CMC2: variants seen among roughly 807,000 people sequenced by gnomAD.
CMC2 encodes C-X9-C motif containing 2, also known as COX assembly mitochondrial protein 2 homolog.
Under a neutral mutation model 7.5 loss-of-function variants are expected in CMC2, and 5 were observed. The observed-to-expected ratio is 0.66, with a 90% confidence interval of 0.35 to 1.40. The LOEUF (loss-of-function observed/expected upper bound fraction) is 1.40, where lower values mean the gene tolerates loss of function less well. Among genes scored for constraint, CMC2 ranks in the 40% most tolerant of loss-of-function variants. The pLI is 0.04. For synonymous variants in CMC2, 37 were observed against 31.4 expected (o/e 1.18, Z -0.60); for missense variants, 115 against 92.3 (o/e 1.25, Z -1.01).
intron 2 of CMC2, among the ~76,000 whole-genome samples, chr16:80,995,829 G>C (rs2151643184): frequency 6.6e-6 from 1 of 152,282 alleles, no homozygotes; most frequent in South Asian, 2.1e-4. Flanking sequence ...TTTAGATCTT[G>C]ACTGTGATGG....
intron 3 of CMC2, among the ~76,000 whole-genome samples, chr16:80,979,617 AT>A (rs201345040): frequency 4.3e-5 from 6 of 140,796 alleles, no homozygotes; most frequent in Middle Eastern, 3.5e-3. Context: ...TTTTTATTTT[AT>A]TTTTTTTTAA....
intron 2 of CMC2, chr16:80,988,591 C>T (rs755197835): frequency 4.7e-6 from 3 of 635,168 alleles, no homozygotes; most frequent in South Asian, 1.6e-5. Flanking sequence ...ATATGATGCA[C>T]GTTTCCTAAA....
intron 3 of CMC2, among the ~76,000 whole-genome samples, chr16:80,976,510 G>A (rs1912372334): frequency 6.6e-6 from 1 of 152,190 alleles, no homozygotes; most frequent in Admixed American, 6.5e-5. Flanking sequence ...GGCAAATTCT[G>A]TCCATGTTCT....
chr16:80,983,981 CAAAAAAAAAAAGA>C (rs1038121094), intron 2 of CMC2: 30 of 116,378 alleles, frequency 2.6e-4, no homozygotes, highest in African/African-American at 9.9e-4. Context: ...AACTCCATCT[CAAAAAAAAAAAGA>C]AAAAAAAACC....
chr16:80,966,557 C>G lies in CMC2; in HGVS notation c.*9536G>C, dbSNP rs1911565818. On this transcript the variant is annotated 3_prime_UTR_variant, in exon 4 of 4. Coordinates refer to ENST00000219400, the MANE Select transcript of CMC2 (RefSeq NM_020188.5). ...GTTTCTACTGACACTAACATCATAA[C>G]TTTAAAACGTGATATTTTATAATAC... 7.4e-6 allele frequency: 1 copy of G among 135,756 alleles called. No homozygotes were observed. Among genetic ancestry groups the G allele is most frequent in the South Asian group, 2.1e-4 (1 of 4,720 alleles). The allele number at this position is 135,756 out of a possible 1,614,324, so 8.4% of individuals were successfully genotyped here. A position where few individuals can be genotyped will look rare whatever the true frequency, so the allele number is the denominator to read the frequency against.
chr16:80,994,031 G>A (rs1463381865), intron 2 of CMC2, among the ~76,000 whole-genome samples: 21 of 152,128 alleles, frequency 1.4e-4, no homozygotes, highest in Admixed American at 1.4e-3. Context: ...AGAGAGCCCA[G>A]AAATAGACCC....
At position 80,971,582 on chromosome 16, in the gene CMC2, A is replaced by ATATATATG. The variant is rs1911926499; in HGVS notation, c.*4510_*4511insCATATATA. 3.6e-5 allele frequency: 5 copies of ATATATATG among 137,120 alleles called. No homozygotes were observed. The highest frequency in any genetic ancestry group is 3.2e-4 in the Admixed American group (4 of 12,584). 8.5% of individuals were successfully genotyped at this position (137,120 alleles called of 1,614,324 possible). A position where few individuals can be genotyped will look rare whatever the true frequency, so the allele number is the denominator to read the frequency against. ...ATACATTTTATATATATATATATAT[A>ATATATATG]TATGTATGAAATCATGCATATATAT... On this transcript the variant is annotated 3_prime_UTR_variant, in exon 4 of 4. Transcript: ENST00000219400.
rs772599726 is a variant in CMC2, at chr16:80,997,306, ACT to A, written c.81+6_81+7del. ...TTTGGCTGTACAGTCGTTTTTCTGA[ACT>A]CTTACATTTTTGTGACATTCCTTAA... On this transcript the variant is annotated splice_donor_region_variant and intron_variant, in intron 2 of 3. Coordinates refer to ENST00000219400, the MANE Select transcript of CMC2 (RefSeq NM_020188.5). 6.2e-6 allele frequency: 9 copies of A among 1,446,852 alleles called. No individual in the cohort carries two copies. The highest frequency in any genetic ancestry group is 8.7e-6 in the Non-Finnish European group (9 of 1,028,994). The allele number at this position is 1,446,852 out of a possible 1,614,324, so 89.6% of individuals were successfully genotyped here.
chr16:80,986,073 T>C (rs1416869781), intron 2 of CMC2, among the ~76,000 whole-genome samples: 1 of 152,102 alleles, frequency 6.6e-6, no homozygotes, highest in African/African-American at 2.4e-5. Flanking sequence ...ATGAGCCAGG[T>C]GCGGTGGCTC....
intron 1 of CMC2, among the ~76,000 whole-genome samples, chr16:81,000,663 G>C (rs1342608874): frequency 6.6e-6 from 1 of 152,174 alleles, no homozygotes; most frequent in Non-Finnish European, 1.5e-5. Flanking sequence ...CCTCACATCA[G>C]TGAGAATGGC....
rs1280922612 is a variant in CMC2, at chr16:81,006,821, C to T, written c.-123G>A. ...AGGCCGGCTGCTAGGGAGCAGACAGCTGAACCGCTTGCCAGACGCCGAAAC... is the reference window on the plus strand; with the variant it reads ...AGGCCGGCTGCTAGGGAGCAGACAGTTGAACCGCTTGCCAGACGCCGAAAC... On this transcript the variant is annotated 5_prime_UTR_variant, in exon 1 of 4. Transcript: ENST00000219400. 6.1e-6 allele frequency: 6 copies of T among 985,496 alleles called. No individual in the cohort carries two copies. In the South Asian group the frequency reaches 2.3e-4, roughly 39 times the overall value. The allele number at this position is 985,496 out of a possible 1,614,324, so 61.0% of individuals were successfully genotyped here.
rs890804421 is a variant in CMC2, at chr16:80,969,718, T to G, written c.*6375A>C. ...GCCTGGGCAACATGGTGAAACCCCG[T>G]CTCTACTAAAAGGACAAAAAAATTA... On this transcript the variant is annotated 3_prime_UTR_variant, in exon 4 of 4. Coordinates refer to ENST00000219400, the MANE Select transcript of CMC2 (RefSeq NM_020188.5). 4 of 152,162 alleles carry G rather than the reference T, an allele frequency of 2.6e-5. No individual in the cohort carries two copies. The highest frequency in any genetic ancestry group is 9.7e-5 in the African/African-American group (4 of 41,384). 9.4% of individuals were successfully genotyped at this position (152,162 alleles called of 1,614,324 possible).
At chr16:80,990,645 A>G (rs1311112955) in intron 2 of CMC2, among the ~76,000 whole-genome samples, 1 of 152,188 alleles carries the variant, frequency 6.6e-6, no homozygotes, top group African/African-American at 2.4e-5. Flanking sequence ...CTAGGATACT[A>G]TAAATACTGT....
intron 1 of CMC2, chr16:80,998,878 C>A (rs559923726): frequency 2.0e-5 from 3 of 152,220 alleles, no homozygotes; most frequent in African/African-American, 7.2e-5. Context: ...GCGAAAAAGC[C>A]TTTGATAAAA....
Position 80,968,932 on chromosome 16 carries a change from T to C in CMC2, c.*7161A>G, listed in dbSNP as rs1396441845. On this transcript the variant is annotated 3_prime_UTR_variant, in exon 4 of 4. Transcript: ENST00000219400. ...AGGAATGGTGTGAGAAACAAGAATA[T>C]CACATAAAGCCAGGAGATGGTAATC... 3 of 152,094 alleles carry C rather than the reference T, an allele frequency of 2.0e-5. No individual in the cohort carries two copies. The highest frequency in any genetic ancestry group is 6.6e-5 in the Admixed American group (1 of 15,262). 9.4% of individuals were successfully genotyped at this position (152,094 alleles called of 1,614,324 possible).
chr16:81,004,236 T>C (rs968827292), intron 1 of CMC2, among the ~76,000 whole-genome samples: 2 of 149,596 alleles, frequency 1.3e-5, no homozygotes, highest in East Asian at 2.0e-4. Flanking sequence ...AAATAATAAT[T>C]ATGAACATCA....
intron 1 of CMC2, among the ~76,000 whole-genome samples, chr16:81,000,575 G>C (rs1376368128): frequency 6.6e-6 from 1 of 152,132 alleles, no homozygotes. Flanking sequence ...AGATATACAA[G>C]TGGCCAAAAA....
intron 3 of CMC2, among the ~76,000 whole-genome samples, chr16:80,981,157 T>G (rs1967085467): frequency 6.6e-6 from 1 of 151,354 alleles, no homozygotes; most frequent in African/African-American, 2.4e-5. Flanking sequence ...TTTTTAAAAG[T>G]TCTGGACACA....
At chr16:81,005,868 G>A (rs1387706095) in intron 1 of CMC2, among the ~76,000 whole-genome samples, 1 of 152,232 alleles carries the variant, frequency 6.6e-6, no homozygotes, top group Non-Finnish European at 1.5e-5. Flanking sequence ...AGGCTCGTGA[G>A]GGAGCATTCT....
Sources: gnomAD v4.1 joint callset for allele counts (sites outside exome capture counted in the v4.1 genomes callset) on GRCh38, gnomAD v4.1.1 for gene constraint, MANE v1.5 for transcripts, NCBI Gene and HGNC (gene_info 2026-07-23, HGNC 2026-07-21) for gene names.